The following ARHGAP24 variants were observed in gnomAD, a reference collection of about 807,000 sequenced individuals.
The protein encoded by ARHGAP24 is Rho GTPase activating protein 24.
Under a neutral mutation model 76.4 loss-of-function variants are expected in ARHGAP24, and 50 were observed. The observed-to-expected ratio is 0.65, with a 90% confidence interval of 0.52 to 0.83. The LOEUF is 0.83. Ranked by LOEUF, ARHGAP24 falls within the 40% of genes least tolerant of loss-of-function variation. The pLI is 0.00. For missense variants in ARHGAP24, 930 were observed against 914.2 expected, an observed-to-expected ratio of 1.02 and a Z score of -0.22; for synonymous variants, 345 against 323.3, an observed-to-expected ratio of 1.07 and a Z score of -0.72.
chr4:85,738,570 T>A (rs945324877), intron 3 of ARHGAP24, among the ~76,000 whole-genome samples: 2 of 152,034 alleles, frequency 1.3e-5, no homozygotes, highest in African/African-American at 4.8e-5. Context: ...TTTGATAAAA[T>A]CCAATTTATC....
At chr4:85,480,710 C>T (rs1161697762) in intron 1 of ARHGAP24, among the ~76,000 whole-genome samples, 2 of 151,914 alleles carry the variant, frequency 1.3e-5, no homozygotes, top group Admixed American at 6.6e-5. Context: ...GATAAAATGA[C>T]CTTTCTTCCA....
chr4:85,744,909 G>T (rs537448807), intron 3 of ARHGAP24, among the ~76,000 whole-genome samples: 2 of 152,222 alleles, frequency 1.3e-5, no homozygotes, highest in South Asian at 2.1e-4. Context: ...AATTAGCCAG[G>T]CGGTACAGAA....
chr4:85,616,887 C>T (rs1317956723), intron 2 of ARHGAP24, among the ~76,000 whole-genome samples: 1 of 152,066 alleles, frequency 6.6e-6, no homozygotes, highest in African/African-American at 2.4e-5. Context: ...CTTGGCCTCC[C>T]AAAGTCATGG....
chr4:85,685,311 G>A (rs567084036), intron 2 of ARHGAP24, among the ~76,000 whole-genome samples: 12 of 152,192 alleles, frequency 7.9e-5, no homozygotes, highest in African/African-American at 2.9e-4. Context: ...TAATTTCCTT[G>A]CTGTCTTTCA....
chr4:85,475,432 C>T lies in ARHGAP24; in HGVS notation c.-148C>T, dbSNP rs1264991273. 8 of 152,704 alleles carry T rather than the reference C, an allele frequency of 5.2e-5. No individual in the cohort carries two copies. The highest frequency in any genetic ancestry group is 5.2e-4 in the Admixed American group (8 of 15,284). The allele number at this position is 152,704 out of a possible 1,614,324, so 9.5% of individuals were successfully genotyped here. On this transcript the variant is annotated 5_prime_UTR_variant, in exon 1 of 10. Coordinates refer to ENST00000395184, the MANE Select transcript of ARHGAP24 (RefSeq NM_001025616.3). The stretch of plus-strand genomic sequence containing the variant: ...CAGTGCATAGAGTTCAACACTTCCC[C>T]TTGTTGTGGAAAGTAAAGGAGCCTC...
intron 1 of ARHGAP24, among the ~76,000 whole-genome samples, chr4:85,547,207 T>G (rs1206883933): frequency 6.6e-6 from 1 of 152,212 alleles, no homozygotes; most frequent in Non-Finnish European, 1.5e-5. Context: ...CCTGTCTCTT[T>G]AGTGTACTTT....
intron 1 of ARHGAP24, among the ~76,000 whole-genome samples, chr4:85,531,277 G>T (rs1303666981): frequency 1.3e-5 from 2 of 152,042 alleles, no homozygotes; most frequent in Non-Finnish European, 2.9e-5. Flanking sequence ...GGTCTATTTT[G>T]TTCACTGCTC....
chr4:85,754,157 A>G (rs954925858), intron 3 of ARHGAP24, among the ~76,000 whole-genome samples: 3 of 152,144 alleles, frequency 2.0e-5, no homozygotes, highest in Non-Finnish European at 2.9e-5. Flanking sequence ...TTTGGCTTCC[A>G]CATATGAGTG....
intron 3 of ARHGAP24, among the ~76,000 whole-genome samples, chr4:85,742,911 G>A (rs1725877529): frequency 6.6e-6 from 1 of 152,114 alleles, no homozygotes; most frequent in African/African-American, 2.4e-5. Flanking sequence ...TTAAAATGTA[G>A]ATATTTTGAA....
intron 3 of ARHGAP24, among the ~76,000 whole-genome samples, chr4:85,898,394 T>A (rs972359756): frequency 1.3e-5 from 2 of 152,080 alleles, no homozygotes; most frequent in Non-Finnish European, 2.9e-5. Context: ...TAAACTAGGG[T>A]GCATACAGGC....
chr4:85,739,290 A>G (rs1725729551), intron 3 of ARHGAP24, among the ~76,000 whole-genome samples: 1 of 152,168 alleles, frequency 6.6e-6, no homozygotes, highest in Non-Finnish European at 1.5e-5. Context: ...TATGCATTTA[A>G]CTGAACGAAA....
intron 3 of ARHGAP24, among the ~76,000 whole-genome samples, chr4:85,770,390 C>A (rs1727089998): frequency 6.6e-6 from 1 of 152,108 alleles, no homozygotes; most frequent in South Asian, 2.1e-4. Context: ...AAGAAAATTC[C>A]AATAGTCCTC....
intron 3 of ARHGAP24, among the ~76,000 whole-genome samples, chr4:85,865,785 G>A (rs567732373): frequency 1.3e-5 from 2 of 151,718 alleles, no homozygotes; most frequent in Non-Finnish European, 2.9e-5. Context: ...TTTATAGAAG[G>A]CATCTGTAAT....
intron 3 of ARHGAP24, among the ~76,000 whole-genome samples, chr4:85,869,103 C>A (rs1183462897): frequency 1.3e-5 from 2 of 152,240 alleles, no homozygotes; most frequent in East Asian, 3.9e-4. Context: ...CTCCCAATCT[C>A]TTATTTCTTC....
chr4:85,504,139 A>G (rs1313414229), intron 1 of ARHGAP24, among the ~76,000 whole-genome samples: 1 of 152,180 alleles, frequency 6.6e-6, no homozygotes, highest in Non-Finnish European at 1.5e-5. Context: ...ACTTCCAATT[A>G]TGTGGTCAGT....
intron 6 of ARHGAP24, among the ~76,000 whole-genome samples, chr4:85,972,609 G>GT (rs1465517050): frequency 6.6e-6 from 1 of 152,144 alleles, no homozygotes; most frequent in Non-Finnish European, 1.5e-5. Context: ...CATTTAAAAT[G>GT]TATGATTCAG....
intron 2 of ARHGAP24, among the ~76,000 whole-genome samples, chr4:85,660,794 CAAA>C (rs34228407): frequency 1.2e-3 from 70 of 59,434 alleles, no homozygotes; most frequent in Admixed American, 4.2e-3. Context: ...GACTCCGTCT[CAAA>C]AAAAAAAAAA....
intron 8 of ARHGAP24, among the ~76,000 whole-genome samples, chr4:85,989,793 G>A (rs929488481): frequency 2.6e-5 from 4 of 151,120 alleles, no homozygotes; most frequent in Admixed American, 6.6e-5. Flanking sequence ...CATCGCGGAT[G>A]CAGATAAAAA....
chr4:85,643,235 T>TGTGTG (rs1491456068), intron 2 of ARHGAP24, among the ~76,000 whole-genome samples: 3 of 2,628 alleles, frequency 1.1e-3, no homozygotes, highest in African/African-American at 1.8e-3. Flanking sequence ...TTTTTTTGTG[T>TGTGTG]TTTTTTTTTT....
Sources: gnomAD v4.1 joint callset for allele counts (sites outside exome capture counted in the v4.1 genomes callset) on GRCh38, gnomAD v4.1.1 for gene constraint, MANE v1.5 for transcripts, NCBI Gene and HGNC (gene_info 2026-07-23, HGNC 2026-07-21) for gene names.